PALM2AKAP2: variants seen among roughly 807,000 people sequenced by gnomAD.
PALM2AKAP2 encodes the protein PALM2 and AKAP2 fusion.
A neutral mutation model predicts 71.5 loss-of-function variants in PALM2AKAP2; 37 were observed. The observed-to-expected ratio is 0.52, with a 90% CI of 0.40 to 0.68. The LOEUF is 0.68. PALM2AKAP2 is among the 30% of genes least tolerant of loss of function. PALM2AKAP2 has a pLI of 0.00. For missense variants in PALM2AKAP2, 1,224 were observed against 1,191.8 expected (o/e 1.03, Z -0.40); for synonymous variants, 468 against 478.8 (o/e 0.98, Z 0.29).
chr9:110,135,128 A>G, intron 1 of PALM2AKAP2, among the ~76,000 whole-genome samples: 1 of 130,374 alleles, frequency 7.7e-6, no homozygotes, highest in Non-Finnish European at 1.6e-5. Context: ...CCAGCCTGGG[A>G]GACATGGAGG....
At chr9:110,035,896 A>AT (rs1185349181) in intron 7 of PALM2AKAP2, among the ~76,000 whole-genome samples, 1 of 147,410 alleles carries the variant, frequency 6.8e-6, no homozygotes, top group Non-Finnish European at 1.5e-5. Context: ...GTTGTGTGTT[A>AT]TATATAACAT....
intron 1 of PALM2AKAP2, among the ~76,000 whole-genome samples, chr9:109,820,021 A>T (rs1213775092): frequency 6.6e-6 from 1 of 151,674 alleles, no homozygotes; most frequent in African/African-American, 2.4e-5. Context: ...AGCAGTTACA[A>T]GTAGTAAAAT....
intron 1 of PALM2AKAP2, among the ~76,000 whole-genome samples, chr9:109,717,187 G>A (rs1436162673): frequency 1.3e-5 from 2 of 152,166 alleles, no homozygotes; most frequent in Non-Finnish European, 2.9e-5. Context: ...GGCTGGAGAA[G>A]GGAGTTAATG....
At chr9:109,807,272 T>G (rs183656556) in intron 1 of PALM2AKAP2, among the ~76,000 whole-genome samples, 20 of 152,336 alleles carry the variant, frequency 1.3e-4, no homozygotes, top group Middle Eastern at 3.4e-3. Context: ...AGGAATTCAA[T>G]TCTGGACATG....
At chr9:110,065,930 C>A (rs1353404655) in intron 1 of PALM2AKAP2, among the ~76,000 whole-genome samples, 1 of 152,158 alleles carries the variant, frequency 6.6e-6, no homozygotes, top group Non-Finnish European at 1.5e-5. Context: ...TGTTTATATG[C>A]CACATTTTGT....
chr9:109,932,018 C>A, exon 6 of PALM2AKAP2: 1 of 1,612,766 alleles, frequency 6.2e-7, no homozygotes, highest in Non-Finnish European at 8.5e-7. Flanking sequence ...ACGGGACCAG[C>A]AGAGCGGCTG....
Position 110,125,895 on chromosome 9 carries a change from G to A in PALM2AKAP2, c.157-10232G>A, listed in dbSNP as rs569547178. Among the ~76,000 whole-genome samples the A allele has an allele frequency of 3.3e-5, 5 of 152,078 alleles. No individual in the cohort carries two copies. The East Asian group carries it at 7.7e-4, about 24-fold the overall frequency. ...ATATGAGTCGTCTGTGGCAGATCAC[G>A]CTTTGAAGATGGTGCAAGTGTGTCT... On this transcript the variant is annotated intron_variant, in intron 1 of 3. Transcript: ENST00000374525.
intron 1 of PALM2AKAP2, among the ~76,000 whole-genome samples, chr9:110,058,325 G>T (rs1167383576): frequency 6.6e-6 from 1 of 152,146 alleles, no homozygotes; most frequent in Non-Finnish European, 1.5e-5. Flanking sequence ...GAGAGTGTCA[G>T]ACTCTCAAAC....
At chr9:110,112,325 G>A (rs1383474859) in intron 1 of PALM2AKAP2, among the ~76,000 whole-genome samples, 1 of 152,128 alleles carries the variant, frequency 6.6e-6, no homozygotes, top group African/African-American at 2.4e-5. Context: ...GACAGGCCAG[G>A]GCTTGGCTCT....
chr9:110,052,405 C>T (rs118189908), intron 1 of PALM2AKAP2, among the ~76,000 whole-genome samples: 3,321 of 152,308 alleles, frequency 0.022, 58 homozygotes, highest in Admixed American at 0.042. Context: ...GTATATCTTA[C>T]TTTGTAAAAT....
At chr9:109,959,570 G>A (rs563466715) in intron 6 of PALM2AKAP2, among the ~76,000 whole-genome samples, 10 of 151,680 alleles carry the variant, frequency 6.6e-5, no homozygotes, top group East Asian at 1.9e-4. Context: ...GCATGAACCC[G>A]GGAGGCGGAA....
At chr9:109,931,718 G>C (rs1831105841) in intron 5 of PALM2AKAP2, among the ~76,000 whole-genome samples, 1 of 152,174 alleles carries the variant, frequency 6.6e-6, no homozygotes, top group Admixed American at 6.5e-5. Context: ...CCTGGGGCTT[G>C]AGCTCTCTGG....
At chr9:109,872,747 G>T (rs982523704) in intron 2 of PALM2AKAP2, among the ~76,000 whole-genome samples, 1 of 152,164 alleles carries the variant, frequency 6.6e-6, no homozygotes, top group Non-Finnish European at 1.5e-5. Context: ...CAGAAGACTT[G>T]CTACAAAGAT....
intron 1 of PALM2AKAP2, among the ~76,000 whole-genome samples, chr9:109,702,526 G>T (rs1828077343): frequency 6.6e-6 from 1 of 151,610 alleles, no homozygotes; most frequent in African/African-American, 2.4e-5. Flanking sequence ...CTCACTCATA[G>T]GTGGGAATTG....
chr9:110,157,465 C>T (rs751897688), intron 3 of PALM2AKAP2, among the ~76,000 whole-genome samples: 2 of 152,122 alleles, frequency 1.3e-5, no homozygotes, highest in African/African-American at 2.4e-5. Flanking sequence ...TTGATGTAAT[C>T]ATGGCTCATT....
rs55638466 is a variant in PALM2AKAP2, at chr9:110,117,952, CATAT to C, written c.157-18164_157-18161del. On this transcript the variant is annotated intron_variant, in intron 1 of 3. Coordinates refer to ENST00000374525, the Ensembl canonical transcript of PALM2AKAP2. ...AAGTGTATATATATAGTGTAAGATA[CATAT>C]ATATATATATGTCGTTTTGTGTGTG... Among the ~76,000 whole-genome samples, 48 of 148,554 alleles carry C rather than the reference CATAT, an allele frequency of 3.2e-4. 1 individual carries two copies. Among genetic ancestry groups the C allele is most frequent in the African/African-American group, 9.2e-4 (37 of 40,090 alleles).
At chr9:109,974,507 A>G (rs529842819) in intron 6 of PALM2AKAP2, among the ~76,000 whole-genome samples, 1 of 152,126 alleles carries the variant, frequency 6.6e-6, no homozygotes, top group Admixed American at 6.5e-5. Flanking sequence ...AGAGAAAGAG[A>G]AACCCAGATT....
intron 3 of PALM2AKAP2, among the ~76,000 whole-genome samples, chr9:109,916,567 G>A (rs936694386): frequency 2.0e-5 from 3 of 152,228 alleles, no homozygotes; most frequent in Admixed American, 6.5e-5. Context: ...GATATGCTGG[G>A]CCTTGGCCCA....
intron 1 of PALM2AKAP2, among the ~76,000 whole-genome samples, chr9:110,118,438 G>A (rs1302273409): frequency 6.6e-6 from 1 of 151,982 alleles, no homozygotes; most frequent in Non-Finnish European, 1.5e-5. Context: ...AGTAGAGACA[G>A]GATTTCGCAA....
Sources: gnomAD v4.1 joint callset for allele counts (sites outside exome capture counted in the v4.1 genomes callset) on GRCh38, gnomAD v4.1.1 for gene constraint, MANE v1.5 for transcripts, NCBI Gene and HGNC (gene_info 2026-07-23, HGNC 2026-07-21) for gene names.